RIMBP2: variants seen among roughly 807,000 people sequenced by gnomAD.
RIMBP2 encodes RIMS binding protein 2.
A neutral mutation model predicts 118.6 loss-of-function variants in RIMBP2; 48 were observed. The observed-to-expected ratio is 0.40, with a 90% CI of 0.32 to 0.51. The LOEUF (loss-of-function observed/expected upper bound fraction) is 0.51, where lower values mean the gene tolerates loss of function less well. Ranked by LOEUF, RIMBP2 falls within the 20% of genes least tolerant of loss-of-function variation. The probability of loss-of-function intolerance (pLI) is 0.41; values close to 1 mark genes in which losing one functional copy is unlikely to be tolerated. For missense variants in RIMBP2, 1,551 were observed against 1,768.3 expected, an observed-to-expected ratio of 0.88 and a Z score of 2.20; for synonymous variants, 762 against 742.9, an observed-to-expected ratio of 1.03 and a Z score of -0.42.
chr12:130,444,319 G>C (rs2078356808), intron 10 of RIMBP2, among the ~76,000 whole-genome samples: 1 of 152,086 alleles, frequency 6.6e-6, no homozygotes, highest in Admixed American at 6.6e-5. Context: ...CCTGCTCATG[G>C]ACACCTCTAG....
intron 2 of RIMBP2, among the ~76,000 whole-genome samples, chr12:130,554,446 C>T (rs909319812): frequency 4.6e-5 from 7 of 152,140 alleles, no homozygotes; most frequent in African/African-American, 1.7e-4. Context: ...GGTGTGAAAC[C>T]TCATGTTTGT....
chr12:130,644,817 G>A (rs989220864), intron 1 of RIMBP2, among the ~76,000 whole-genome samples: 1 of 152,206 alleles, frequency 6.6e-6, no homozygotes, highest in Non-Finnish European at 1.5e-5. Context: ...AGAGTCACTG[G>A]GCAAAGCACC....
chr12:130,467,956 T>C (rs1593412205), intron 6 of RIMBP2, among the ~76,000 whole-genome samples: 2 of 152,194 alleles, frequency 1.3e-5, no homozygotes, highest in South Asian at 4.1e-4. Flanking sequence ...TAACATGTGT[T>C]CTGGGGTGTA....
At chr12:130,519,971 C>T (rs887653246) in intron 2 of RIMBP2, among the ~76,000 whole-genome samples, 1 of 152,192 alleles carries the variant, frequency 6.6e-6, no homozygotes, top group Non-Finnish European at 1.5e-5. Context: ...CCCCTTCCCT[C>T]CTGAAGGCAT....
rs114824575 is a variant in RIMBP2, at chr12:130,497,539, G to A, written c.-4+9109C>T. Among the ~76,000 whole-genome samples, 552 of 152,312 alleles carry A rather than the reference G, an allele frequency of 3.6e-3. 2 individuals carry two copies. The highest frequency in any genetic ancestry group is 0.012 in the African/African-American group (514 of 41,574). ...ATGGGAGAAGGGGCTGGAGAGATGC[G>A]TTCTGGCCGTGGCTGTGAGCGAAGC... On this transcript the variant is annotated intron_variant, in intron 4 of 22. Coordinates refer to ENST00000690449, the MANE Select transcript of RIMBP2 (RefSeq NM_001393629.1).
chr12:130,691,643 C>A (rs941482653), intron 1 of RIMBP2, among the ~76,000 whole-genome samples: 2 of 152,162 alleles, frequency 1.3e-5, no homozygotes, highest in African/African-American at 4.8e-5. Flanking sequence ...TGCACTCCAG[C>A]CTGGACAAAA....
At chr12:130,673,599 G>A (rs1374488327) in intron 1 of RIMBP2, among the ~76,000 whole-genome samples, 1 of 152,168 alleles carries the variant, frequency 6.6e-6, no homozygotes, top group African/African-American at 2.4e-5. Context: ...ATCCTGCTTC[G>A]AGCCTGGATG....
At chr12:130,586,060 C>A (rs1230598772) in intron 2 of RIMBP2, among the ~76,000 whole-genome samples, 2 of 152,170 alleles carry the variant, frequency 1.3e-5, no homozygotes, top group African/African-American at 2.4e-5. Context: ...ATGAAAGTGA[C>A]CACAGGCACT....
At chr12:130,692,895 A>ATAGGATAGGGTAGGG (rs1555325518) in intron 1 of RIMBP2, among the ~76,000 whole-genome samples, 24,559 of 111,192 alleles carry the variant, frequency 0.22, 3,407 homozygotes, top group East Asian at 0.38. Flanking sequence ...GTAGGGTAGG[A>ATAGGATAGGGTAGGG]TAGGATAGGG....
At chr12:130,684,492 T>TTGAG (rs541540324) in intron 1 of RIMBP2, among the ~76,000 whole-genome samples, 22 of 152,310 alleles carry the variant, frequency 1.4e-4, no homozygotes, top group African/African-American at 4.3e-4. Flanking sequence ...CGACTCCATC[T>TTGAG]TGAGTGAGAG....
chr12:130,664,405 A>G (rs1213009478), intron 1 of RIMBP2, among the ~76,000 whole-genome samples: 1 of 90,186 alleles, frequency 1.1e-5, no homozygotes, highest in African/African-American at 3.9e-5. Flanking sequence ...ACACGCACGC[A>G]CGCACGCACA....
At chr12:130,655,449 A>C (rs2063385499) in intron 1 of RIMBP2, among the ~76,000 whole-genome samples, 1 of 152,132 alleles carries the variant, frequency 6.6e-6, no homozygotes. Context: ...GGAGGAAAAG[A>C]CCAAGGAGGG....
At chr12:130,634,115 C>T (rs769887229) in intron 1 of RIMBP2, among the ~76,000 whole-genome samples, 18 of 152,330 alleles carry the variant, frequency 1.2e-4, no homozygotes, top group African/African-American at 2.4e-4. Flanking sequence ...CCTTCGACAA[C>T]GAGCTGTGTC....
chr12:130,521,968 G>A (rs2052178683), intron 2 of RIMBP2, among the ~76,000 whole-genome samples: 3 of 152,118 alleles, frequency 2.0e-5, no homozygotes, highest in Non-Finnish European at 1.5e-5. Context: ...TACCCTGTAA[G>A]AATCAAAACA....
chr12:130,650,981 GA>G (rs2063211906), intron 1 of RIMBP2, among the ~76,000 whole-genome samples: 9 of 128,902 alleles, frequency 7.0e-5, no homozygotes, highest in African/African-American at 2.2e-4. Flanking sequence ...AAAAAAGAAA[GA>G]AAAGAAAAGA....
At chr12:130,571,317 G>A (rs2140055300) in intron 2 of RIMBP2, among the ~76,000 whole-genome samples, 1 of 152,030 alleles carries the variant, frequency 6.6e-6, no homozygotes, top group Non-Finnish European at 1.5e-5. Context: ...TCTAGGAACT[G>A]CAACTCCCTG....
At chr12:130,616,290 C>A (rs1594053711) in intron 2 of RIMBP2, among the ~76,000 whole-genome samples, 1 of 152,022 alleles carries the variant, frequency 6.6e-6, no homozygotes, top group East Asian at 1.9e-4. Context: ...GTTCTCCCCC[C>A]ATGTCTCTCT....
intron 2 of RIMBP2, among the ~76,000 whole-genome samples, chr12:130,598,354 T>A (rs1260234227): frequency 1.3e-5 from 2 of 151,024 alleles, no homozygotes; most frequent in Non-Finnish European, 3.0e-5. Context: ...AATCCAATTA[T>A]GCTTTTTTTG....
intron 1 of RIMBP2, among the ~76,000 whole-genome samples, chr12:130,698,226 G>C (rs968400126): frequency 3.3e-4 from 50 of 152,294 alleles, no homozygotes; most frequent in African/African-American, 1.2e-3. Flanking sequence ...GGGTGCAACC[G>C]TGACTTAGTG....
Sources: gnomAD v4.1 joint callset for allele counts (sites outside exome capture counted in the v4.1 genomes callset) on GRCh38, gnomAD v4.1.1 for gene constraint, MANE v1.5 for transcripts, NCBI Gene and HGNC (gene_info 2026-07-23, HGNC 2026-07-21) for gene names.